Variants in CACNB2 observed in about 807,000 individuals in gnomAD.
CACNB2 encodes the protein calcium voltage-gated channel auxiliary subunit beta 2, also known as voltage-dependent L-type calcium channel subunit beta-2.
A neutral mutation model predicts 73.3 loss-of-function variants in CACNB2; 42 were observed. That is an observed-to-expected ratio of 0.57 (90% CI 0.45 to 0.74). CACNB2 has a LOEUF of 0.74. Among genes scored for constraint, CACNB2 ranks in the 30% least tolerant of loss-of-function variants. CACNB2 has a pLI of 0.00. For missense variants in CACNB2, 940 were observed against 853.0 expected, an observed-to-expected ratio of 1.10 and a Z score of -1.27; for synonymous variants, 348 against 310.3, an observed-to-expected ratio of 1.12 and a Z score of -1.28.
intron 2 of CACNB2, among the ~76,000 whole-genome samples, chr10:18,349,036 C>T (rs1332250169): frequency 1.3e-5 from 2 of 152,174 alleles, no homozygotes; most frequent in African/African-American, 4.8e-5. Flanking sequence ...TGAGAGATCA[C>T]TTGACTCCCG....
At chr10:18,279,203 C>T (rs935774298) in intron 2 of CACNB2, among the ~76,000 whole-genome samples, 2 of 152,158 alleles carry the variant, frequency 1.3e-5, no homozygotes, top group African/African-American at 4.8e-5. Flanking sequence ...ACTGGTAAAA[C>T]AAATGGTTCT....
intron 12 of CACNB2, among the ~76,000 whole-genome samples, chr10:18,536,764 C>T (rs2133311535): frequency 6.6e-6 from 1 of 152,262 alleles, no homozygotes; most frequent in Non-Finnish European, 1.5e-5. Context: ...TTGTTAATAT[C>T]CAACACAAGA....
In CACNB2 at chr10:18,514,059, T is replaced by G. The variant is rs140015379; in HGVS notation, c.671-177T>G. ...AGTGTATCTTTCAGTTTCATTAGAT[T>G]TGATTACCTTGCATTCTTAATGTGC... On this transcript the variant is annotated intron_variant, in intron 6 of 13. Coordinates refer to ENST00000324631, the MANE Select transcript of CACNB2 (RefSeq NM_201596.3). Among the ~76,000 whole-genome samples the G allele has an allele frequency of 0.011, 1,624 of 151,800 alleles. 21 individuals are homozygous for G. Among genetic ancestry groups the G allele is most frequent in the African/African-American group, 0.037 (1,529 of 41,364 alleles).
intron 1 of CACNB2, 33 bp downstream of exon 1, chr10:18,140,889 G>A (rs193002228): frequency 6.4e-7 from 1 of 1,571,022 alleles, no homozygotes; most frequent in Non-Finnish European, 8.6e-7. Flanking sequence ...TCCTTCCTTT[G>A]TGAGCCGCCG....
intron 2 of CACNB2, among the ~76,000 whole-genome samples, chr10:18,399,372 C>G (rs1746787518): frequency 6.6e-6 from 1 of 152,160 alleles, no homozygotes; most frequent in Non-Finnish European, 1.5e-5. Flanking sequence ...ATTTTACAGT[C>G]ACATCATAAC....
At chr10:18,417,406 T>C in intron 3 of CACNB2, among the ~76,000 whole-genome samples, 1 of 144,944 alleles carries the variant, frequency 6.9e-6, no homozygotes, top group Middle Eastern at 3.7e-3. Flanking sequence ...TTCACTGTTG[T>C]TGCTCAGGCT....
chr10:18,329,025 C>T (rs981388030), intron 2 of CACNB2, among the ~76,000 whole-genome samples: 2 of 152,180 alleles, frequency 1.3e-5, no homozygotes, highest in Non-Finnish European at 2.9e-5. Context: ...GAGGCATATG[C>T]ATAGTGAAAG....
chr10:18,518,710 C>T (rs1276016691), intron 8 of CACNB2, among the ~76,000 whole-genome samples, 200 bp from the exon 9 acceptor site: 2 of 152,154 alleles, frequency 1.3e-5, no homozygotes, highest in Admixed American at 6.5e-5. Flanking sequence ...TGTTATTTGT[C>T]ACTAAAACAT....
At chr10:18,267,916 C>G (rs1168808734) in intron 2 of CACNB2, among the ~76,000 whole-genome samples, 1 of 152,206 alleles carries the variant, frequency 6.6e-6, no homozygotes, top group Non-Finnish European at 1.5e-5. Context: ...TACTTCATCA[C>G]TCTGTGCCTC....
At chr10:18,522,650 C>T (rs1162420033) in intron 9 of CACNB2, among the ~76,000 whole-genome samples, 18 of 151,814 alleles carry the variant, frequency 1.2e-4, no homozygotes, top group African/African-American at 3.9e-4. Flanking sequence ...GAGGCCGAGG[C>T]GGGTGGATAA....
rs151004109 is a variant in CACNB2, at chr10:18,453,903, G to A, written c.334-44452G>A. 2.1e-3 allele frequency among the ~76,000 whole-genome samples: 318 copies of A among 152,314 alleles called. 1 individual carries two copies. The highest frequency in any genetic ancestry group is 7.5e-3 in the African/African-American group (311 of 41,568). On this transcript the variant is annotated intron_variant, in intron 3 of 13. Transcript: ENST00000324631. ...GCCTGCCTGAGCCTCACAAGGTGCT[G>A]GGATTACAGGTGTGAGCCACCATGA... is the stretch of plus-strand genomic sequence containing the variant.
chr10:18,275,076 A>C (rs185548170), intron 2 of CACNB2, among the ~76,000 whole-genome samples: 1 of 152,286 alleles, frequency 6.6e-6, no homozygotes, highest in East Asian at 1.9e-4. Context: ...TACCTTTTTA[A>C]TGTCCTTGAT....
At chr10:18,143,183 C>T (rs1390323450) in intron 1 of CACNB2, among the ~76,000 whole-genome samples, 2 of 152,170 alleles carry the variant, frequency 1.3e-5, no homozygotes, top group African/African-American at 4.8e-5. Flanking sequence ...CGACAGGGAA[C>T]TGTGGAAGGA....
rs1403618939 is a variant in CACNB2, at chr10:18,273,431, G to A, written c.213+122456G>A. Among the ~76,000 whole-genome samples, 6 of 151,702 alleles carry A rather than the reference G, an allele frequency of 4.0e-5. No individual in the cohort carries two copies. The South Asian group carries it at 6.2e-4, about 16-fold the overall frequency. On this transcript the variant is annotated intron_variant, in intron 2 of 13. Coordinates refer to ENST00000324631, the MANE Select transcript of CACNB2 (RefSeq NM_201596.3). The stretch of plus-strand genomic sequence containing the variant: ...AATGGATCCTGGGCAGATAAAAACC[G>A]CATTTTTTTTTTGCACATACACAGA...
At chr10:18,433,289 A>G (rs1305800125) in intron 3 of CACNB2, among the ~76,000 whole-genome samples, 5 of 152,216 alleles carry the variant, frequency 3.3e-5, no homozygotes, top group African/African-American at 4.8e-5. Context: ...TAGAAATGGC[A>G]AGCAGTTTAA....
At chr10:18,141,640 G>T (rs994236121) in intron 1 of CACNB2, among the ~76,000 whole-genome samples, 1 of 152,086 alleles carries the variant, frequency 6.6e-6, no homozygotes, top group East Asian at 1.9e-4. Context: ...GGAGATGTCA[G>T]TTGTAGGCGC....
At chr10:18,470,729 C>T (rs1274442541) in intron 3 of CACNB2, among the ~76,000 whole-genome samples, 1 of 152,080 alleles carries the variant, frequency 6.6e-6, no homozygotes, top group African/African-American at 2.4e-5. Flanking sequence ...AGCTTGGTGT[C>T]TTCAGCGTCT....
At chr10:18,189,307 A>G (rs548748725) in intron 2 of CACNB2, among the ~76,000 whole-genome samples, 111 of 152,316 alleles carry the variant, frequency 7.3e-4, no homozygotes, top group African/African-American at 2.4e-3. Context: ...TGAGTAATTC[A>G]TATCAATTGA....
At position 18,426,176 on chromosome 10, in the gene CACNB2, T is replaced by G. The variant is rs561427964; in HGVS notation, c.333+24133T>G. On this transcript the variant is annotated intron_variant, in intron 3 of 13. Transcript: ENST00000324631. ...ACCCTGCTGACATTTTGTTTGGGGTTGCATTTAAGTCTGTAGATCAACTTG... is the reference window on the plus strand; with the variant it reads ...ACCCTGCTGACATTTTGTTTGGGGTGGCATTTAAGTCTGTAGATCAACTTG... Among the ~76,000 whole-genome samples, 10 of 152,346 alleles carry G rather than the reference T, an allele frequency of 6.6e-5. No homozygotes were observed. In the East Asian group the frequency reaches 1.9e-3, roughly 29 times the overall value.
Sources: allele counts gnomAD v4.1 joint callset (sites outside exome capture counted in the v4.1 genomes callset), GRCh38; gene constraint gnomAD v4.1.1; transcripts MANE v1.5; gene names NCBI Gene and HGNC (gene_info 2026-07-23, HGNC 2026-07-21).